Variants in CHRM2 observed in about 807,000 individuals in gnomAD.
CHRM2 encodes muscarinic acetylcholine receptor M2.
CHRM2 carries 8 observed loss-of-function variants against 25.0 expected under a neutral mutation model. The ratio of observed to expected loss-of-function variants is 0.32; its 90% confidence interval spans 0.19 to 0.58. The LOEUF is 0.58. Ranked by LOEUF, CHRM2 falls within the 20% of genes least tolerant of loss-of-function variation. The probability of loss-of-function intolerance (pLI) is 0.88; values close to 1 mark genes in which losing one functional copy is unlikely to be tolerated. For missense variants in CHRM2, 440 were observed against 567.1 expected, an observed-to-expected ratio of 0.78 and a Z score of 2.28; for synonymous variants, 202 against 205.7, an observed-to-expected ratio of 0.98 and a Z score of 0.15.
chr7:137,007,786 C>T (rs1415860262), intron 3 of CHRM2, among the ~76,000 whole-genome samples: 1 of 152,004 alleles, frequency 6.6e-6, no homozygotes, highest in African/African-American at 2.4e-5. Flanking sequence ...ATGCTATCAC[C>T]ATCTGCATCA....
intron 2 of CHRM2, among the ~76,000 whole-genome samples, chr7:136,970,282 T>C (rs1801676536): frequency 6.6e-6 from 1 of 152,174 alleles, no homozygotes; most frequent in South Asian, 2.1e-4. Context: ...CTCTATCTCT[T>C]TATCTTTTAT....
intron 2 of CHRM2, among the ~76,000 whole-genome samples, chr7:136,881,962 C>A (rs1003262435): frequency 4.0e-5 from 6 of 151,882 alleles, no homozygotes; most frequent in Non-Finnish European, 8.8e-5. Flanking sequence ...TATACAAGAC[C>A]ATACTGACCC....
chr7:136,885,861 G>T (rs142729991), intron 2 of CHRM2, among the ~76,000 whole-genome samples: 182 of 152,246 alleles, frequency 1.2e-3, no homozygotes, highest in Non-Finnish European at 4.1e-4. Context: ...GGAAGAGGAA[G>T]AACTTAGCAG....
intron 2 of CHRM2, among the ~76,000 whole-genome samples, chr7:136,968,796 G>A (rs1170409797): frequency 7.3e-6 from 1 of 137,194 alleles, no homozygotes; most frequent in Admixed American, 7.3e-5. Context: ...TTTGTCATGT[G>A]CTGCAATATG....
chr7:136,938,298 G>GA, intron 2 of CHRM2: 1 of 1,133,444 alleles, frequency 8.8e-7, no homozygotes, highest in Non-Finnish European at 1.3e-6. Context: ...TAAGGTTGTT[G>GA]ATGTAGCTCT....
chr7:136,968,729 T>TAC (rs1322754901), intron 2 of CHRM2, among the ~76,000 whole-genome samples: 2 of 147,330 alleles, frequency 1.4e-5, no homozygotes, highest in South Asian at 2.1e-4. Context: ...TAAATATATA[T>TAC]ATATATATAT....
At chr7:137,008,223 TA>T (rs1351946448) in intron 3 of CHRM2, among the ~76,000 whole-genome samples, 3 of 152,126 alleles carry the variant, frequency 2.0e-5, no homozygotes, top group Non-Finnish European at 4.4e-5. Flanking sequence ...AGATAATACT[TA>T]AGTATCCTTT....
intron 3 of CHRM2, among the ~76,000 whole-genome samples, chr7:137,009,860 T>C (rs1047535229): frequency 1.3e-5 from 2 of 152,004 alleles, no homozygotes; most frequent in Non-Finnish European, 2.9e-5. Flanking sequence ...TTTAATATCA[T>C]TGATAATGAC....
chr7:136,918,300 T>C (rs1798234722), intron 2 of CHRM2, among the ~76,000 whole-genome samples: 1 of 152,116 alleles, frequency 6.6e-6, no homozygotes, highest in Non-Finnish European at 1.5e-5. Context: ...CCTAAGGTCC[T>C]CTATTTAACA....
At chr7:136,981,039 C>G (rs1802451007) in intron 2 of CHRM2, among the ~76,000 whole-genome samples, 1 of 152,152 alleles carries the variant, frequency 6.6e-6, no homozygotes, top group Non-Finnish European at 1.5e-5. Context: ...GTTTGCAACT[C>G]TGGTAGAATT....
intron 2 of CHRM2, chr7:136,899,687 A>G (rs1242135858): frequency 6.6e-6 from 1 of 152,128 alleles, no homozygotes; most frequent in East Asian, 1.9e-4. Flanking sequence ...TACAGAGAAT[A>G]TTAAATCCTG....
chr7:136,928,703 C>T (rs1160162489), intron 2 of CHRM2, among the ~76,000 whole-genome samples: 1 of 152,112 alleles, frequency 6.6e-6, no homozygotes, highest in African/African-American at 2.4e-5. Context: ...TATACCATTC[C>T]TGGCAGTGCT....
At chr7:137,010,119 CT>C (rs1804705279) in intron 3 of CHRM2, among the ~76,000 whole-genome samples, 1 of 152,018 alleles carries the variant, frequency 6.6e-6, no homozygotes. Context: ...ATTATTATTC[CT>C]GTTTGAGAAA....
chr7:137,007,022 A>G (rs1804483058), intron 3 of CHRM2, among the ~76,000 whole-genome samples: 1 of 152,094 alleles, frequency 6.6e-6, no homozygotes, highest in Admixed American at 6.6e-5. Flanking sequence ...ATAACGCAGA[A>G]TCTTGAGAAT....
chr7:136,998,027 T>G (rs1803719809), intron 3 of CHRM2, among the ~76,000 whole-genome samples: 1 of 152,178 alleles, frequency 6.6e-6, no homozygotes, highest in Admixed American at 6.6e-5. Flanking sequence ...GCTATGACAT[T>G]GAAGAGAATA....
chr7:136,939,984 C>T (rs1241484292), intron 2 of CHRM2, among the ~76,000 whole-genome samples: 1 of 152,156 alleles, frequency 6.6e-6, no homozygotes, highest in Non-Finnish European at 1.5e-5. Flanking sequence ...CTTTGTAATA[C>T]ATTTCCTAAT....
chr7:136,925,213 TA>T (rs1798673904), intron 2 of CHRM2, among the ~76,000 whole-genome samples: 1 of 152,182 alleles, frequency 6.6e-6, no homozygotes, highest in Non-Finnish European at 1.5e-5. Context: ...CCATTTCTAC[TA>T]ATGAAGGCTA....
intron 2 of CHRM2, among the ~76,000 whole-genome samples, chr7:136,964,445 C>T (rs1236697122): frequency 6.6e-6 from 1 of 152,078 alleles, no homozygotes; most frequent in Non-Finnish European, 1.5e-5. Context: ...GTCTTTGGTC[C>T]TCAGTTGGCC....
chr7:136,945,180 G>T (rs942591351), intron 2 of CHRM2, among the ~76,000 whole-genome samples: 1 of 151,912 alleles, frequency 6.6e-6, no homozygotes, highest in Non-Finnish European at 1.5e-5. Flanking sequence ...TCTGTGGGTT[G>T]TCTGTTTACT....
Sources: allele counts gnomAD v4.1 joint callset (sites outside exome capture counted in the v4.1 genomes callset), GRCh38; gene constraint gnomAD v4.1.1; transcripts MANE v1.5; gene names NCBI Gene and HGNC (gene_info 2026-07-23, HGNC 2026-07-21).